Variants in RAB25 observed in about 807,000 individuals in gnomAD.
RAB25 encodes the protein RAB25, member RAS oncogene family.
A neutral mutation model predicts 25.2 loss-of-function variants in RAB25; 23 were observed. The observed-to-expected ratio is 0.91, with a 90% CI of 0.66 to 1.29. The LOEUF is 1.29. RAB25 is among the 50% of genes most tolerant of loss of function. The probability of loss-of-function intolerance (pLI) is 0.00; values close to 1 mark genes in which losing one functional copy is unlikely to be tolerated. For synonymous variants in RAB25, 102 were observed against 111.5 expected, an observed-to-expected ratio of 0.91 and a Z score of 0.54; for missense variants, 244 against 277.3, an observed-to-expected ratio of 0.88 and a Z score of 0.85.
intron 2 of RAB25, among the ~76,000 whole-genome samples, chr1:156,067,231 C>CA (rs386368386): frequency 0.54 from 61,490 of 113,694 alleles, 14,731 homozygotes; most frequent in Middle Eastern, 0.65. Context: ...GACTCTGTCT[C>CA]AAAAAAAAAA....
At chr1:156,061,727 C>T (rs1647586103) in intron 1 of RAB25, among the ~76,000 whole-genome samples, 1 of 152,130 alleles carries the variant, frequency 6.6e-6, no homozygotes, top group African/African-American at 2.4e-5. Context: ...AACCCAAATC[C>T]CTGGTGTCAG....
At chr1:156,069,370 G>A (rs1307070346) in intron 3 of RAB25, among the ~76,000 whole-genome samples, 1 of 151,894 alleles carries the variant, frequency 6.6e-6, no homozygotes, top group African/African-American at 2.4e-5. Flanking sequence ...TAGTGGAGAC[G>A]GGGTTTCACC....
chr1:156,063,949 A>G (rs1261073040), intron 1 of RAB25, among the ~76,000 whole-genome samples: 2 of 152,234 alleles, frequency 1.3e-5, no homozygotes, highest in Non-Finnish European at 2.9e-5. Flanking sequence ...AACATGAACC[A>G]TTAGTATCTC....
At chr1:156,070,135 T>C (rs777859752) in intron 4 of RAB25, 25 bp from the exon 5 acceptor site, 4 of 1,614,116 alleles carry the variant, frequency 2.5e-6, no homozygotes, top group East Asian at 2.2e-5. Flanking sequence ...TCTTCTGGCC[T>C]GATCACTGCC....
At chr1:156,069,790 C>G in intron 4 of RAB25, 39 bp downstream of exon 4, 1 of 1,539,106 alleles carries the variant, frequency 6.5e-7, no homozygotes, top group South Asian at 1.1e-5. Context: ...TATTCCATCC[C>G]CGTGGCTTCT....
Position 156,065,937 on chromosome 1 carries a change from G to C in RAB25, c.70G>C (p.Gly24Arg). The change falls in exon 2 of 5, where the codon GGG becomes CGG. Residue 24 changes from glycine (G) to arginine (R), a missense_variant. Coordinates refer to ENST00000361084, the MANE Select transcript of RAB25 (RefSeq NM_020387.4). ...KVVLIGESGV[G>R]KTNLLSRFTR... ...GGTGCTGATCGGCGAATCAGGTGTG[G>C]GGAAGACCAATCTACTCTCCCGATT... 7.5e-6 allele frequency: 12 copies of C among 1,610,238 alleles called. No homozygotes were observed. Among genetic ancestry groups the C allele is most frequent in the Non-Finnish European group, 1.0e-5 (12 of 1,177,460 alleles).
chr1:156,062,431 G>A (rs1647613880), intron 1 of RAB25, among the ~76,000 whole-genome samples: 1 of 151,832 alleles, frequency 6.6e-6, no homozygotes, highest in Non-Finnish European at 1.5e-5. Flanking sequence ...CTTCCTTTAG[G>A]GCAGGGTGGA....
chr1:156,067,032 G>A (rs1368665392), intron 2 of RAB25, among the ~76,000 whole-genome samples: 2 of 151,942 alleles, frequency 1.3e-5, no homozygotes, highest in African/African-American at 2.4e-5. Context: ...TCAGGAGTTC[G>A]AGACCAGCCT....
intron 2 of RAB25, 108 bp downstream of exon 2, chr1:156,066,214 G>C: frequency 2.4e-6 from 2 of 847,384 alleles, no homozygotes; most frequent in Non-Finnish European, 3.3e-6. Flanking sequence ...TCAGCAGTGG[G>C]CTCTGGGGGG....
At chr1:156,063,503 T>C (rs938492814) in intron 1 of RAB25, among the ~76,000 whole-genome samples, 5 of 152,152 alleles carry the variant, frequency 3.3e-5, no homozygotes, top group African/African-American at 4.8e-5. Flanking sequence ...GGAAACATAA[T>C]TGGGCAGAGG....
rs1375033693 is a variant in RAB25, at chr1:156,061,455, TC to T, written c.43+15del. 6.2e-7 allele frequency: 1 copy of T among 1,613,348 alleles called. No homozygotes were observed. On this transcript the variant is annotated intron_variant, in intron 1 of 4. Coordinates refer to ENST00000361084, the MANE Select transcript of RAB25 (RefSeq NM_020387.4). ...CTTTGTCTTCAAGGGTGAGTTGGGTTCCCTGAAGCAAGAGGAAGCCTGAGAG... is the reference window on the plus strand; with the variant it reads ...CTTTGTCTTCAAGGGTGAGTTGGGTTCCTGAAGCAAGAGGAAGCCTGAGAG...
rs201609945 is a variant in RAB25, at chr1:156,068,506, C to T, written c.433+43C>T. ...CCCAGGCTGACTCCTCCAAGCTTAG[C>T]CCACCTTTCCCTTGCAGTCTCCCAG... On this transcript the variant is annotated intron_variant, in intron 3 of 4. Transcript: ENST00000361084. 6.4e-4 allele frequency: 1,019 copies of T among 1,584,424 alleles called. 1 individual carries two copies. Among genetic ancestry groups the T allele is most frequent in the Non-Finnish European group, 7.7e-4 (898 of 1,161,048 alleles).
intron 2 of RAB25, among the ~76,000 whole-genome samples, chr1:156,067,271 A>T (rs1647771959): frequency 6.6e-6 from 1 of 151,570 alleles, no homozygotes; most frequent in African/African-American, 2.4e-5. Context: ...TCTTCCAGTC[A>T]GTGTGAGGCC....
intron 1 of RAB25, among the ~76,000 whole-genome samples, chr1:156,063,052 TAAAAAA>T (rs1158919173): frequency 1.9e-4 from 13 of 67,920 alleles, no homozygotes; most frequent in African/African-American, 6.8e-4. Context: ...AGACTCTGTC[TAAAAAA>T]AAAAAAAAAA....
Position 156,068,335 on chromosome 1 carries a change from T to C in RAB25, c.305T>C (p.Val102Ala). The change falls in exon 3 of 5, where the codon GTG (valine) becomes GCG (alanine). Residue 102 changes from valine (V) to alanine (A), a missense_variant. Physicochemically the swap from Val to Ala is moderately conservative, Grantham distance 64. Coordinates refer to ENST00000361084, the MANE Select transcript of RAB25 (RefSeq NM_020387.4). ...FDLTKHQTYA[V>A]VERWLKELYD... ...CTAACCAAGCACCAGACCTATGCTG[T>C]GGTGGAGCGATGGCTGAAGGAGCTC... 1 of 1,614,086 alleles carries C rather than the reference T, an allele frequency of 6.2e-7. No individual in the cohort carries two copies. Among genetic ancestry groups the C allele is most frequent in the Middle Eastern group, 1.6e-4 (1 of 6,062 alleles).
At chr1:156,063,373 G>A (rs952107896) in intron 1 of RAB25, among the ~76,000 whole-genome samples, 1 of 152,112 alleles carries the variant, frequency 6.6e-6, no homozygotes, top group African/African-American at 2.4e-5. Flanking sequence ...GGATGGTCTC[G>A]ATCTCTTGAC....
chr1:156,065,468 T>G (rs1346796915), intron 1 of RAB25, among the ~76,000 whole-genome samples: 1 of 151,900 alleles, frequency 6.6e-6, no homozygotes, highest in African/African-American at 2.4e-5. Flanking sequence ...ACACCAAACC[T>G]CCCACTTGTC....
At chr1:156,061,704 C>T (rs538934772) in intron 1 of RAB25, among the ~76,000 whole-genome samples, 5 of 152,258 alleles carry the variant, frequency 3.3e-5, no homozygotes, top group South Asian at 4.1e-4. Flanking sequence ...TCCTCTGCCC[C>T]GTTCCTAATA....
rs560520371 is a variant in RAB25, at chr1:156,063,782, T to C, written c.44-2129T>C. On this transcript the variant is annotated intron_variant, in intron 1 of 4. Transcript: ENST00000361084. ...TGTGTTTACAACACTAGCCCTGTTA[T>C]CTTGGGCAAGTCATTTGACCTCCAA... Among the ~76,000 whole-genome samples the C allele has an allele frequency of 5.3e-5, 8 of 152,370 alleles. No individual in the cohort carries two copies. The East Asian group carries it at 1.2e-3, about 22-fold the overall frequency.
Sources: allele counts gnomAD v4.1 joint callset (sites outside exome capture counted in the v4.1 genomes callset), GRCh38; gene constraint gnomAD v4.1.1; transcripts MANE v1.5; gene names NCBI Gene and HGNC (gene_info 2026-07-23, HGNC 2026-07-21).